MANF: variants seen among roughly 807,000 people sequenced by gnomAD.
MANF encodes the protein mesencephalic astrocyte-derived neurotrophic factor.
MANF carries 9 observed loss-of-function variants against 19.1 expected under a neutral mutation model. The ratio of observed to expected loss-of-function variants is 0.47; its 90% CI spans 0.28 to 0.82. The LOEUF is 0.82. Among genes scored for constraint, MANF ranks in the 40% least tolerant of loss-of-function variants. MANF has a pLI of 0.10. For synonymous variants in MANF, 89 were observed against 88.0 expected (o/e 1.01, Z -0.06); for missense variants, 225 against 226.7 (o/e 0.99, Z 0.05).
chr3:51,387,282 C>CT (rs1308794974), intron 2 of MANF, among the ~76,000 whole-genome samples: 1 of 152,140 alleles, frequency 6.6e-6, no homozygotes, highest in Non-Finnish European at 1.5e-5. Context: ...TGGCAAAACT[C>CT]TATCTCTACT....
Position 51,388,897 on chromosome 3 carries a change from T to C in MANF, c.365-8T>C. ...CCAGTCAGTGACTCTCCCTGCTCTC[T>C]CCTCCAGACAAGCAGATCGACCTGA... On this transcript the variant is annotated splice_polypyrimidine_tract_variant and splice_region_variant and intron_variant, in intron 3 of 3. Coordinates refer to ENST00000528157, the MANE Select transcript of MANF (RefSeq NM_006010.6). The C allele has an allele frequency of 6.4e-7, 1 of 1,556,910 alleles. No homozygotes were observed. The highest frequency in any genetic ancestry group is 8.7e-7 in the Non-Finnish European group (1 of 1,151,118).
chr3:51,389,241 A>G lies in MANF; in HGVS notation c.*152A>G. 1.6e-6 allele frequency: 1 copy of G among 638,488 alleles called. No homozygotes were observed. Among genetic ancestry groups the G allele is most frequent in the East Asian group, 2.9e-5 (1 of 34,512 alleles). The allele number at this position is 638,488 out of a possible 1,614,324, so 39.6% of individuals were successfully genotyped here. A position where few individuals can be genotyped will look rare whatever the true frequency, so the allele number is the denominator to read the frequency against. The stretch of plus-strand genomic sequence containing the variant: ...GCTTTCCTGATGATGCTGGCCCTAC[A>G]GTACCCCCATGAGGGGATTCCCTTC... On this transcript the variant is annotated 3_prime_UTR_variant, in exon 4 of 4. Coordinates refer to ENST00000528157, the MANE Select transcript of MANF (RefSeq NM_006010.6).
intron 2 of MANF, among the ~76,000 whole-genome samples, chr3:51,387,327 G>T (rs570692000): frequency 1.3e-5 from 2 of 152,144 alleles, no homozygotes; most frequent in African/African-American, 2.4e-5. Context: ...ATGGTGACAG[G>T]CGCCTGTAAT....
intron 3 of MANF, 103 bp from the exon 4 acceptor site, chr3:51,388,802 C>G: frequency 1.3e-6 from 1 of 790,370 alleles, no homozygotes; most frequent in Non-Finnish European, 2.0e-6. Context: ...CCTCTGAAAC[C>G]AGTAGGGCTG....
At position 51,389,197 on chromosome 3, in the gene MANF, A is replaced by G; in HGVS notation, c.*108A>G. 1.1e-6 allele frequency: 1 copy of G among 951,430 alleles called. No individual in the cohort carries two copies. The highest frequency in any genetic ancestry group is 1.6e-6 in the Non-Finnish European group (1 of 635,308). The allele number at this position is 951,430 out of a possible 1,614,324, so 58.9% of individuals were successfully genotyped here. ...TTAAGTGGGCTCCTGACAATACTGT[A>G]TCAGATGTGAAGCCTGGAGCTTTCC... On this transcript the variant is annotated 3_prime_UTR_variant, in exon 4 of 4. Transcript: ENST00000528157.
chr3:51,388,310 C>T (rs1386473537), intron 3 of MANF, among the ~76,000 whole-genome samples: 1 of 152,170 alleles, frequency 6.6e-6, no homozygotes, highest in Non-Finnish European at 1.5e-5. Context: ...TTTTACTATT[C>T]TGAAAAGAAA....
At chr3:51,385,490 TG>T in intron 1 of MANF, 54 bp downstream of exon 1, 1 of 867,928 alleles carries the variant, frequency 1.2e-6, no homozygotes, top group Non-Finnish European at 1.4e-6. Flanking sequence ...GCGGCGGCGC[TG>T]AACCCCACAA....
In MANF at chr3:51,389,190, A is replaced by G. The variant is rs536263260; in HGVS notation, c.*101A>G. 263 of 1,013,682 alleles carry G rather than the reference A, an allele frequency of 2.6e-4. 3 individuals carry two copies. The African/African-American group carries it at 3.9e-3, about 15-fold the overall frequency. The allele number at this position is 1,013,682 out of a possible 1,614,324, so 62.8% of individuals were successfully genotyped here. ...TTATTTTTTAAGTGGGCTCCTGACAATACTGTATCAGATGTGAAGCCTGGA... is the reference window on the plus strand; with the variant it reads ...TTATTTTTTAAGTGGGCTCCTGACAGTACTGTATCAGATGTGAAGCCTGGA... On this transcript the variant is annotated 3_prime_UTR_variant, in exon 4 of 4. Coordinates refer to ENST00000528157, the MANE Select transcript of MANF (RefSeq NM_006010.6).
Position 51,389,120 on chromosome 3 carries a change from A to G in MANF, c.*31A>G. The G allele has an allele frequency of 1.3e-6, 2 of 1,587,344 alleles. No individual in the cohort carries two copies. The highest frequency in any genetic ancestry group is 1.4e-5 in the African/African-American group (1 of 73,722). On this transcript the variant is annotated 3_prime_UTR_variant, in exon 4 of 4. Transcript: ENST00000528157. ...TCAATCTCTGTTGCACCTGAGGGGG[A>G]AAAAACAGTTCAACTGCTTACTCCC...
In MANF at chr3:51,387,859, G is replaced by A. The variant is rs1272123889; in HGVS notation, c.345G>A (p.Gln115=). 1.1e-5 allele frequency: 18 copies of A among 1,613,692 alleles called. No homozygotes were observed. Among genetic ancestry groups the A allele is most frequent in the Admixed American group, 3.3e-5 (2 of 59,990 alleles). Residue 115 remains glutamine, a synonymous_variant, in exon 3 of 4, where the codon CAG becomes CAA. Transcript: ENST00000528157. The stretch of plus-strand genomic sequence containing the variant: ...AGAAGCTTAAGAAGAAGGACAGCCA[G>A]ATATGTGAGCTTAAGTATGGTGAGT... The part of the protein sequence containing the change: ...ICEKLKKKDS[Q]ICELKYDKQI...
rs1279432228 is a variant in MANF at position 51,388,979 on chromosome 3, T to TG, written c.445dup (p.Glu149GlyfsTer11). 3.7e-6 allele frequency: 6 copies of TG among 1,605,690 alleles called. No individual in the cohort carries two copies. The highest frequency in any genetic ancestry group is 3.4e-5 in the Admixed American group (2 of 58,766). On this transcript the variant is annotated frameshift_variant, in exon 4 of 4. Coordinates refer to ENST00000528157, the MANE Select transcript of MANF (RefSeq NM_006010.6). LOFTEE classifies it high-confidence loss of function. The stretch of plus-strand genomic sequence containing the variant: ...AGAGCTGAAGAAGATTCTGGATGAC[T>TG]GGGGGGAGACATGCAAAGGCTGTGC...
intron 3 of MANF, among the ~76,000 whole-genome samples, chr3:51,388,473 G>T (rs574120075): frequency 6.6e-6 from 1 of 152,150 alleles, no homozygotes; most frequent in Non-Finnish European, 1.5e-5. Flanking sequence ...ACCTACTTGC[G>T]TCTTCCTGGT....
rs1553621156 is a variant in MANF, at chr3:51,388,947, G to A, written c.407G>A (p.Arg136Gln). 3.1e-6 allele frequency: 5 copies of A among 1,592,894 alleles called. No homozygotes were observed. The highest frequency in any genetic ancestry group is 3.5e-5 in the Admixed American group (2 of 56,884). The change falls in exon 4 of 4, where the codon CGA (arginine) becomes CAA (glutamine). Residue 136 changes from arginine to glutamine, a missense_variant. By Grantham distance (43) the Arg-to-Gln change is conservative. Transcript: ENST00000528157. Reference protein sequence around the residue: ...DLSTVDLKKLRVKELKKILDD... With the variant: ...DLSTVDLKKLQVKELKKILDD... ...AGCACAGTGGACCTGAAGAAGCTCC[G>A]AGTTAAAGAGCTGAAGAAGATTCTG...
intron 2 of MANF, chr3:51,386,853 A>G (rs1247284570): frequency 6.6e-6 from 3 of 456,704 alleles, no homozygotes; most frequent in Admixed American, 2.3e-5. Context: ...TAGTGAAGCA[A>G]TGGGTTTTCT....
chr3:51,386,823 C>T (rs1243552230), intron 2 of MANF: 6 of 455,994 alleles, frequency 1.3e-5, no homozygotes, highest in East Asian at 6.9e-5. Flanking sequence ...AGGCAAGGGC[C>T]GAATCCAAGA....
chr3:51,388,996 A>G lies in MANF; in HGVS notation c.456A>G (p.Lys152=), dbSNP rs782481610. The G allele has an allele frequency of 1.2e-5, 20 of 1,609,300 alleles. No individual in the cohort carries two copies. The highest frequency in any genetic ancestry group is 1.7e-5 in the Non-Finnish European group (20 of 1,177,622). The change falls in exon 4 of 4, where the codon AAA becomes AAG. Residue 152 remains lysine (K), a synonymous_variant. Transcript: ENST00000528157. ...KILDDWGETC[K]GCAEKSDYIR... ...TGGATGACTGGGGGGAGACATGCAA[A>G]GGCTGTGCAGAAAAGTCTGACTACA...
chr3:51,387,775 AATC>A lies in MANF; in HGVS notation c.266_268del (p.Ile89del), dbSNP rs2088976454. 6.2e-7 allele frequency: 1 copy of A among 1,612,686 alleles called. No individual in the cohort carries two copies. Among genetic ancestry groups the A allele is most frequent in the Non-Finnish European group, 8.5e-7 (1 of 1,179,306 alleles). On this transcript the variant is annotated inframe_deletion, in exon 3 of 4. Coordinates refer to ENST00000528157, the MANE Select transcript of MANF (RefSeq NM_006010.6). Reference sequence around the variant, plus strand: ...GGGCCACAGATGATGCAGCCACCAAAATCATCAATGAGGTATCAAAGCCTCTGG... The same window carrying A: ...GGGCCACAGATGATGCAGCCACCAAAATCAATGAGGTATCAAAGCCTCTGG...
intron 2 of MANF, chr3:51,387,056 C>A: frequency 2.4e-6 from 1 of 415,090 alleles, no homozygotes; most frequent in Non-Finnish European, 4.9e-6. Flanking sequence ...GGTGCGGTGG[C>A]TCATGCCTGT....
intron 1 of MANF, chr3:51,385,891 A>G (rs1450901276): frequency 3.4e-6 from 1 of 297,782 alleles, no homozygotes; most frequent in Non-Finnish European, 6.2e-6. Flanking sequence ...CTCTCCATTT[A>G]TGAGGTCACA....
Sources: allele counts gnomAD v4.1 joint callset (sites outside exome capture counted in the v4.1 genomes callset), GRCh38; gene constraint gnomAD v4.1.1; transcripts MANE v1.5; gene names NCBI Gene and HGNC (gene_info 2026-07-23, HGNC 2026-07-21).